The following ZSWIM6 variants were observed in gnomAD, a reference collection of about 807,000 sequenced individuals.
ZSWIM6 encodes the protein zinc finger SWIM domain-containing protein 6.
ZSWIM6 carries 9 observed loss-of-function variants against 113.2 expected under a neutral mutation model. The observed-to-expected ratio is 0.08, with a 90% CI of 0.05 to 0.14. ZSWIM6 has a LOEUF of 0.14. Among genes scored for constraint, ZSWIM6 ranks in the 10% least tolerant of loss-of-function variants. ZSWIM6 has a pLI of 1.00. For missense variants in ZSWIM6, 1,162 were observed against 1,552.2 expected (o/e 0.75, Z 4.22); for synonymous variants, 611 against 606.5 (o/e 1.01, Z -0.11).
intron 1 of ZSWIM6, among the ~76,000 whole-genome samples, chr5:61,413,070 G>C (rs1004845948): frequency 1.4e-5 from 2 of 147,958 alleles, no homozygotes; most frequent in African/African-American, 2.5e-5. Context: ...TGTGCACAAT[G>C]TGCAGGTTAG....
chr5:61,493,537 C>T (rs887164160), intron 3 of ZSWIM6, among the ~76,000 whole-genome samples: 1 of 152,148 alleles, frequency 6.6e-6, no homozygotes, highest in African/African-American at 2.4e-5. Context: ...TCAATGGACT[C>T]TGCATTAGGC....
chr5:61,466,037 G>A (rs1021535993), intron 1 of ZSWIM6, among the ~76,000 whole-genome samples: 1 of 152,078 alleles, frequency 6.6e-6, no homozygotes, highest in South Asian at 2.1e-4. Flanking sequence ...GAGTTGAAAA[G>A]GAATATGATA....
chr5:61,378,946 G>A (rs1182217727), intron 1 of ZSWIM6, among the ~76,000 whole-genome samples: 1 of 152,018 alleles, frequency 6.6e-6, no homozygotes, highest in Non-Finnish European at 1.5e-5. Flanking sequence ...TTAGGAGGCT[G>A]AGGCAAGAGG....
intron 1 of ZSWIM6, among the ~76,000 whole-genome samples, chr5:61,452,388 T>C (rs746030251): frequency 2.6e-5 from 4 of 152,200 alleles, no homozygotes; most frequent in Admixed American, 6.5e-5. Flanking sequence ...TTATTTTGCA[T>C]GTCTCTTGGT....
intron 1 of ZSWIM6, among the ~76,000 whole-genome samples, chr5:61,433,780 C>G (rs1368950652): frequency 6.6e-6 from 1 of 151,614 alleles, no homozygotes; most frequent in Non-Finnish European, 1.5e-5. Context: ...CAGCCTAGAC[C>G]TAGTTTTTTA....
chr5:61,441,853 T>C (rs1219773132), intron 1 of ZSWIM6, among the ~76,000 whole-genome samples: 1 of 152,194 alleles, frequency 6.6e-6, no homozygotes, highest in Admixed American at 6.5e-5. Flanking sequence ...TTACAGTGTT[T>C]GGTCTAGGTG....
intron 1 of ZSWIM6, among the ~76,000 whole-genome samples, chr5:61,349,691 T>C (rs917674671): frequency 5.9e-5 from 9 of 152,174 alleles, no homozygotes; most frequent in African/African-American, 2.2e-4. Context: ...AAGCAATTTA[T>C]TTATTAGATG....
At chr5:61,466,800 T>C (rs1397394868) in intron 1 of ZSWIM6, among the ~76,000 whole-genome samples, 3 of 152,188 alleles carry the variant, frequency 2.0e-5, no homozygotes, top group Admixed American at 6.5e-5. Context: ...CAGTCTGATA[T>C]CATGTGTCTC....
chr5:61,358,570 A>G (rs969829180), intron 1 of ZSWIM6, among the ~76,000 whole-genome samples: 1 of 152,256 alleles, frequency 6.6e-6, no homozygotes, highest in African/African-American at 2.4e-5. Context: ...TAGTCGTCTT[A>G]TATTTAAAAG....
At chr5:61,462,259 A>T (rs1747336595) in intron 1 of ZSWIM6, among the ~76,000 whole-genome samples, 1 of 152,204 alleles carries the variant, frequency 6.6e-6, no homozygotes, top group African/African-American at 2.4e-5. Flanking sequence ...GATAGACTTG[A>T]GCTGTAGAAA....
chr5:61,335,193 G>C (rs1269023234), intron 1 of ZSWIM6, among the ~76,000 whole-genome samples: 1 of 152,284 alleles, frequency 6.6e-6, no homozygotes, highest in African/African-American at 2.4e-5. Context: ...GGAATTGGCA[G>C]TGGTTGACGT....
At chr5:61,345,780 G>A (rs572632324) in intron 1 of ZSWIM6, among the ~76,000 whole-genome samples, 1 of 152,228 alleles carries the variant, frequency 6.6e-6, no homozygotes, top group East Asian at 1.9e-4. Flanking sequence ...ACTAGAAATG[G>A]AATCAAACTG....
chr5:61,360,115 G>A (rs1025141627), intron 1 of ZSWIM6, among the ~76,000 whole-genome samples: 2 of 152,202 alleles, frequency 1.3e-5, no homozygotes, highest in Admixed American at 1.3e-4. Flanking sequence ...TAAAGTGCAT[G>A]CCCTGCAGGT....
chr5:61,385,276 A>C (rs887021190), intron 1 of ZSWIM6, among the ~76,000 whole-genome samples: 2 of 152,180 alleles, frequency 1.3e-5, no homozygotes, highest in Non-Finnish European at 2.9e-5. Context: ...GTAAAAGGGA[A>C]ACATTTTAGA....
At chr5:61,414,902 C>T (rs1367215487) in intron 1 of ZSWIM6, among the ~76,000 whole-genome samples, 1 of 152,206 alleles carries the variant, frequency 6.6e-6, no homozygotes, top group Non-Finnish European at 1.5e-5. Flanking sequence ...CTGTGCCTTG[C>T]ACCATCTAAT....
At chr5:61,389,318 G>A (rs769506067) in intron 1 of ZSWIM6, among the ~76,000 whole-genome samples, 2 of 151,830 alleles carry the variant, frequency 1.3e-5, no homozygotes, top group Non-Finnish European at 2.9e-5. Flanking sequence ...CACTTTGGGA[G>A]GCTGAGGCAG....
chr5:61,390,465 T>A (rs1254906491), intron 1 of ZSWIM6, among the ~76,000 whole-genome samples: 2 of 152,208 alleles, frequency 1.3e-5, no homozygotes, highest in African/African-American at 4.8e-5. Flanking sequence ...AAAATATTTT[T>A]AAAGTGAAAA....
intron 1 of ZSWIM6, among the ~76,000 whole-genome samples, chr5:61,355,152 A>G (rs1390784497): frequency 1.3e-5 from 2 of 152,112 alleles, no homozygotes; most frequent in East Asian, 3.9e-4. Flanking sequence ...ATGGGGTTAT[A>G]TCAGTTTCCC....
At chr5:61,382,925 G>T (rs979065077) in intron 1 of ZSWIM6, among the ~76,000 whole-genome samples, 1 of 152,164 alleles carries the variant, frequency 6.6e-6, no homozygotes, top group African/African-American at 2.4e-5. Flanking sequence ...CAGAATGTCC[G>T]CAAAGTCAGA....
Sources: allele counts gnomAD v4.1 joint callset (sites outside exome capture counted in the v4.1 genomes callset), GRCh38; gene constraint gnomAD v4.1.1; transcripts MANE v1.5; gene names NCBI Gene and HGNC (gene_info 2026-07-23, HGNC 2026-07-21).